CSMD1: variants seen among roughly 807,000 people sequenced by gnomAD.
The protein encoded by CSMD1 is CUB and sushi domain-containing protein 1.
A neutral mutation model predicts 417.5 loss-of-function variants in CSMD1; 213 were observed. That is an observed-to-expected ratio of 0.51 (90% CI 0.46 to 0.57). The LOEUF (loss-of-function observed/expected upper bound fraction) is 0.57, where lower values mean the gene tolerates loss of function less well. Ranked by LOEUF, CSMD1 falls within the 20% of genes least tolerant of loss-of-function variation. CSMD1 has a pLI of 0.00. For synonymous variants in CSMD1, 2,862 were observed against 1,736.8 expected (o/e 1.65, Z -16.11); for missense variants, 6,923 against 4,529.7 (o/e 1.53, Z -15.17).
chr8:4,253,520 G>A (rs188114213), intron 3 of CSMD1, among the ~76,000 whole-genome samples: 2 of 152,098 alleles, frequency 1.3e-5, no homozygotes, highest in African/African-American at 4.8e-5. Context: ...CTGGGATAGA[G>A]AAAGAAGAAA....
intron 3 of CSMD1, among the ~76,000 whole-genome samples, chr8:4,328,242 A>ATTTT (rs3067534): frequency 2.4e-5 from 3 of 124,700 alleles, no homozygotes; most frequent in Non-Finnish European, 3.3e-5. Context: ...ACTCAATACA[A>ATTTT]TTTTTTTTTT....
intron 5 of CSMD1, among the ~76,000 whole-genome samples, chr8:3,963,908 T>C (rs902394167): frequency 1.3e-5 from 2 of 152,200 alleles, no homozygotes; most frequent in Non-Finnish European, 2.9e-5. Context: ...TCTAACTCAT[T>C]GTATCCCAAA....
At chr8:3,254,659 G>C (rs754248607) in intron 26 of CSMD1, among the ~76,000 whole-genome samples, 2 of 152,016 alleles carry the variant, frequency 1.3e-5, no homozygotes, top group Non-Finnish European at 2.9e-5. Flanking sequence ...CTAGTTGACC[G>C]AATTGGCTAT....
intron 26 of CSMD1, among the ~76,000 whole-genome samples, chr8:3,273,238 A>T (rs201592432): frequency 0.27 from 39,510 of 148,436 alleles, 5,505 homozygotes; most frequent in African/African-American, 0.33. Flanking sequence ...TTACATTTAT[A>T]GATTTGCGTA....
chr8:4,315,087 G>T (rs1798845241), intron 3 of CSMD1, among the ~76,000 whole-genome samples: 1 of 152,064 alleles, frequency 6.6e-6, no homozygotes, highest in Non-Finnish European at 1.5e-5. Flanking sequence ...GCATCTCGAG[G>T]GAGGGAAGAG....
intron 2 of CSMD1, among the ~76,000 whole-genome samples, chr8:4,550,388 G>A (rs978303899): frequency 1.3e-5 from 2 of 150,238 alleles, no homozygotes; most frequent in Non-Finnish European, 3.0e-5. Flanking sequence ...GGCATAGAAA[G>A]CTGAACATCA....
intron 49 of CSMD1, 58 bp from the exon 50 acceptor site, chr8:3,052,705 T>G (rs1811940029): frequency 4.2e-6 from 5 of 1,204,066 alleles, no homozygotes; most frequent in Non-Finnish European, 5.6e-6. Context: ...TTCCAGCTAT[T>G]AAAACCATTG....
Position 3,819,563 on chromosome 8 carries a change from T to TTGA in CSMD1, c.819-65522_819-65521insTCA, listed in dbSNP as rs1563112285. Reference sequence around the variant, plus strand: ...ACACACACACACACACACACACACGTATGTATATAAACGCCAACATGCGTA... The same window carrying TTGA: ...ACACACACACACACACACACACACGTTGAATGTATATAAACGCCAACATGCGTA... On this transcript the variant is annotated intron_variant, in intron 5 of 69. Transcript: ENST00000635120. 7.8e-4 allele frequency among the ~76,000 whole-genome samples: 83 copies of TTGA among 107,034 alleles called. 1 individual carries two copies. Among genetic ancestry groups the TTGA allele is most frequent in the Middle Eastern group, 4.9e-3 (1 of 206 alleles). The allele number at this position is 107,034 out of a possible 152,430, so 70.2% of individuals were successfully genotyped here. A position where few individuals can be genotyped will look rare whatever the true frequency, so the allele number is the denominator to read the frequency against.
intron 5 of CSMD1, among the ~76,000 whole-genome samples, chr8:3,869,591 T>C (rs1805339551): frequency 1.3e-5 from 2 of 152,240 alleles, no homozygotes; most frequent in South Asian, 4.1e-4. Context: ...CTATCAGATA[T>C]AAATAGTGAG....
intron 5 of CSMD1, among the ~76,000 whole-genome samples, chr8:3,762,477 T>C (rs1798060286): frequency 6.6e-6 from 1 of 152,216 alleles, no homozygotes; most frequent in South Asian, 2.1e-4. Context: ...ATAAGGCACA[T>C]GGCTGTGCTT....
At chr8:4,533,658 T>C (rs1796951872) in intron 2 of CSMD1, among the ~76,000 whole-genome samples, 1 of 152,050 alleles carries the variant, frequency 6.6e-6, no homozygotes, top group African/African-American at 2.4e-5. Flanking sequence ...AACGATGTCA[T>C]TGCAAACTGA....
At chr8:4,474,532 A>G (rs1800697717) in intron 2 of CSMD1, among the ~76,000 whole-genome samples, 1 of 152,182 alleles carries the variant, frequency 6.6e-6, no homozygotes, top group Non-Finnish European at 1.5e-5. Context: ...CTTTGAGCAG[A>G]TGTCATGGGG....
At chr8:4,424,207 T>A (rs1264373333) in intron 2 of CSMD1, among the ~76,000 whole-genome samples, 1 of 151,938 alleles carries the variant, frequency 6.6e-6, no homozygotes. Context: ...TTCATAAAAA[T>A]TAAAAACTTT....
chr8:4,397,458 G>C (rs780161277), intron 3 of CSMD1, among the ~76,000 whole-genome samples: 33 of 141,566 alleles, frequency 2.3e-4, no homozygotes, highest in Admixed American at 1.0e-3. Flanking sequence ...GGAGATACGT[G>C]ATCTGTTGCA....
At chr8:3,650,088 G>C (rs969781698) in intron 7 of CSMD1, among the ~76,000 whole-genome samples, 2 of 152,108 alleles carry the variant, frequency 1.3e-5, no homozygotes, top group Non-Finnish European at 2.9e-5. Context: ...AGACTAGCCT[G>C]GACAACATGG....
At chr8:3,944,911 T>C (rs1811121267) in intron 5 of CSMD1, among the ~76,000 whole-genome samples, 1 of 152,168 alleles carries the variant, frequency 6.6e-6, no homozygotes, top group African/African-American at 2.4e-5. Context: ...CAATCAGTGT[T>C]TCTGAACGCT....
At chr8:4,827,125 C>G (rs541615195) in intron 1 of CSMD1, among the ~76,000 whole-genome samples, 5 of 152,248 alleles carry the variant, frequency 3.3e-5, no homozygotes, top group Admixed American at 2.6e-4. Flanking sequence ...CAGAATCAAT[C>G]AGCTAGAATA....
chr8:3,194,514 G>C (rs1374556536), intron 33 of CSMD1, among the ~76,000 whole-genome samples: 1 of 151,370 alleles, frequency 6.6e-6, no homozygotes, highest in Non-Finnish European at 1.5e-5. Context: ...CTGGAGTACA[G>C]TGGTGTGATC....
Position 2,966,700 on chromosome 8 carries a change from G to A in CSMD1, c.8970C>T (p.Val2990=). The A allele has an allele frequency of 1.2e-6, 2 of 1,613,800 alleles. No individual in the cohort carries two copies. Among genetic ancestry groups the A allele is most frequent in the Non-Finnish European group, 1.7e-6 (2 of 1,179,822 alleles). Residue 2990 remains valine, a synonymous_variant, in exon 58 of 70, where the codon GTC becomes GTT. Coordinates refer to ENST00000635120, the MANE Select transcript of CSMD1 (RefSeq NM_033225.6). The part of the protein sequence containing the change: ...NPGTPTNGMI[V]SSDGILFSSS... ...TGGAGAACAGAATGCCATCACTACT[G>A]ACAATCATTCCGTTGGTGGGTGTGC... is the stretch of plus-strand genomic sequence containing the variant.
Sources: gnomAD v4.1 joint callset for allele counts (sites outside exome capture counted in the v4.1 genomes callset) on GRCh38, gnomAD v4.1.1 for gene constraint, MANE v1.5 for transcripts, NCBI Gene and HGNC (gene_info 2026-07-23, HGNC 2026-07-21) for gene names.